Variants in ENPP1 observed in about 807,000 individuals in gnomAD.
ENPP1 encodes ectonucleotide pyrophosphatase/phosphodiesterase 1, also known as ectonucleotide pyrophosphatase/phosphodiesterase family member 1.
In ENPP1, 73 loss-of-function variants were observed where a neutral mutation model predicts 122.8. That is an observed-to-expected ratio of 0.59 (90% CI 0.49 to 0.72). The LOEUF (loss-of-function observed/expected upper bound fraction) is 0.72, where lower values mean the gene tolerates loss of function less well. ENPP1 is among the 30% of genes least tolerant of loss of function. ENPP1 has a pLI of 0.00. For missense variants in ENPP1, 978 were observed against 1,128.1 expected (o/e 0.87, Z 1.91); for synonymous variants, 367 against 391.6 (o/e 0.94, Z 0.74).
chr6:131,848,942 T>C (rs1372578389), intron 2 of ENPP1, among the ~76,000 whole-genome samples: 1 of 152,242 alleles, frequency 6.6e-6, no homozygotes, highest in African/African-American at 2.4e-5. Flanking sequence ...GTAAATTCCA[T>C]GGCAGTGTCT....
intron 24 of ENPP1, among the ~76,000 whole-genome samples, chr6:131,887,278 A>G (rs1401499225): frequency 1.3e-5 from 2 of 151,898 alleles, no homozygotes; most frequent in Non-Finnish European, 2.9e-5. Context: ...TTCCTTTCTT[A>G]TCGTATTGTC....
chr6:131,836,704 G>C (rs2114676738), intron 1 of ENPP1, among the ~76,000 whole-genome samples: 1 of 152,198 alleles, frequency 6.6e-6, no homozygotes, highest in South Asian at 2.1e-4. Context: ...TAAAAAAATG[G>C]GTTGATGGTG....
At chr6:131,858,816 A>G in intron 7 of ENPP1, 69 bp downstream of exon 7, 1 of 1,133,988 alleles carries the variant, frequency 8.8e-7, no homozygotes, top group Non-Finnish European at 1.3e-6. Context: ...TTTTGAGGGA[A>G]TAGATTTAAG....
intron 21 of ENPP1, among the ~76,000 whole-genome samples, chr6:131,883,238 G>C (rs185482993): frequency 1.2e-3 from 190 of 152,298 alleles, no homozygotes; most frequent in Non-Finnish European, 2.4e-3. Context: ...AAATAGACCA[G>C]GTCCAAGCCT....
At chr6:131,815,413 G>A (rs1781401358) in intron 1 of ENPP1, among the ~76,000 whole-genome samples, 1 of 152,140 alleles carries the variant, frequency 6.6e-6, no homozygotes. Context: ...CTTGAATCTT[G>A]TTCTGGTATT....
intron 4 of ENPP1, 139 bp from the exon 5 acceptor site, chr6:131,852,036 C>A (rs935161457): frequency 6.2e-6 from 4 of 641,444 alleles, no homozygotes; most frequent in Non-Finnish European, 1.1e-5. Flanking sequence ...TGATTATACA[C>A]CTCCAGAGTC....
intron 6 of ENPP1, among the ~76,000 whole-genome samples, 191 bp from the exon 7 acceptor site, chr6:131,858,477 T>C (rs921557525): frequency 6.6e-6 from 1 of 152,202 alleles, no homozygotes; most frequent in African/African-American, 2.4e-5. Flanking sequence ...AAGAGAAAAA[T>C]GAAGTCATCT....
intron 5 of ENPP1, among the ~76,000 whole-genome samples, chr6:131,853,001 A>G (rs932840949): frequency 6.6e-6 from 1 of 152,140 alleles, no homozygotes; most frequent in Non-Finnish European, 1.5e-5. Flanking sequence ...AAGTGTATTT[A>G]TCTTTGTTCC....
At chr6:131,824,833 G>A (rs150063170) in intron 1 of ENPP1, among the ~76,000 whole-genome samples, 2,904 of 152,154 alleles carry the variant, frequency 0.019, 43 homozygotes, top group Non-Finnish European at 0.028. Context: ...GGCTGAGGCC[G>A]GCAGATCACT....
chr6:131,875,650 C>A, intron 16 of ENPP1, 126 bp from the exon 17 acceptor site: 1 of 742,890 alleles, frequency 1.3e-6, no homozygotes, highest in Non-Finnish European at 2.5e-6. Flanking sequence ...GTCCACTGAG[C>A]GTGGTAGTTT....
rs531999666 is a variant in ENPP1, at chr6:131,879,083, A to C, written c.1945+490A>C. Among the ~76,000 whole-genome samples, 55 of 152,140 alleles carry C rather than the reference A, an allele frequency of 3.6e-4. 1 individual carries two copies. The highest frequency in any genetic ancestry group is 2.6e-4 in the Non-Finnish European group (18 of 68,000). On this transcript the variant is annotated intron_variant, in intron 19 of 24. Transcript: ENST00000647893. Reference sequence around the variant, plus strand: ...TGAATGTTTGGAGTCACTATAATACACTCTCTCAGCCTTAAGTTACTTGGC... The same window carrying C: ...TGAATGTTTGGAGTCACTATAATACCCTCTCTCAGCCTTAAGTTACTTGGC...
rs966420876 is a variant in ENPP1, at chr6:131,864,793, T to C, written c.1092-73T>C. The C allele has an allele frequency of 1.4e-5, 14 of 1,014,202 alleles. No homozygotes were observed. The African/African-American group carries it at 2.1e-4, about 15-fold the overall frequency. 62.8% of individuals were successfully genotyped at this position (1,014,202 alleles called of 1,614,324 possible). ...GTTATAAAATTTAATCCCTATCAATTGATGAATTATTTTTTCCATTCTGTT... is the reference window on the plus strand; with the variant it reads ...GTTATAAAATTTAATCCCTATCAATCGATGAATTATTTTTTCCATTCTGTT... On this transcript the variant is annotated intron_variant, in intron 10 of 24. Coordinates refer to ENST00000647893, the MANE Select transcript of ENPP1 (RefSeq NM_006208.3).
chr6:131,874,130 G>C, intron 15 of ENPP1, 138 bp from the exon 16 acceptor site: 1 of 645,854 alleles, frequency 1.5e-6, no homozygotes, highest in South Asian at 1.8e-5. Flanking sequence ...GCTTTTCAAA[G>C]CCAGGTGGTT....
At chr6:131,813,523 C>G (rs1186924697) in intron 1 of ENPP1, among the ~76,000 whole-genome samples, 1 of 146,942 alleles carries the variant, frequency 6.8e-6, no homozygotes, top group Non-Finnish European at 1.5e-5. Context: ...GAGCAAGACT[C>G]TGTCTCAAAA....
chr6:131,818,629 C>T (rs1461764085), intron 1 of ENPP1, among the ~76,000 whole-genome samples: 1 of 141,024 alleles, frequency 7.1e-6, no homozygotes, highest in Non-Finnish European at 1.5e-5. Flanking sequence ...GCCTGGGTGA[C>T]ACAGCGAGAC....
At chr6:131,870,870 A>G (rs537591122) in intron 13 of ENPP1, among the ~76,000 whole-genome samples, 17 of 152,320 alleles carry the variant, frequency 1.1e-4, no homozygotes, top group African/African-American at 4.1e-4. Flanking sequence ...TAAGGTTAAG[A>G]GATCAAGACC....
rs1024232325 is a variant in ENPP1, at chr6:131,894,375, T to A, written c.*3864T>A. The A allele has an allele frequency of 6.6e-6, 1 of 151,122 alleles. No homozygotes were observed. The highest frequency in any genetic ancestry group is 1.5e-5 in the Non-Finnish European group (1 of 68,148). 9.4% of individuals were successfully genotyped at this position (151,122 alleles called of 1,614,324 possible). A position where few individuals can be genotyped will look rare whatever the true frequency, so the allele number is the denominator to read the frequency against. On this transcript the variant is annotated 3_prime_UTR_variant, in exon 25 of 25. Transcript: ENST00000647893. ...ATCTCGGCTCACTGCAACCTCCACCTCCGGGGTTCTAGCAATTCTCCTGCC... is the reference window on the plus strand; with the variant it reads ...ATCTCGGCTCACTGCAACCTCCACCACCGGGGTTCTAGCAATTCTCCTGCC...
chr6:131,870,595 T>C (rs60455745), intron 13 of ENPP1, among the ~76,000 whole-genome samples: 5,282 of 152,322 alleles, frequency 0.035, 124 homozygotes, highest in African/African-American at 0.056. Context: ...TGGTAAGATA[T>C]GTTTCAATAG....
intron 7 of ENPP1, among the ~76,000 whole-genome samples, 179 bp from the exon 8 acceptor site, chr6:131,860,208 A>G (rs983345789): frequency 2.6e-5 from 4 of 152,230 alleles, no homozygotes; most frequent in African/African-American, 9.6e-5. Context: ...CACAAATACT[A>G]CATAAAATCT....
Sources: gnomAD v4.1 joint callset for allele counts (sites outside exome capture counted in the v4.1 genomes callset) on GRCh38, gnomAD v4.1.1 for gene constraint, MANE v1.5 for transcripts, NCBI Gene and HGNC (gene_info 2026-07-23, HGNC 2026-07-21) for gene names.